The following CCDC175 variants were observed in gnomAD, a reference collection of about 807,000 sequenced individuals.
The protein encoded by CCDC175 is coiled-coil domain-containing protein 175.
Under a neutral mutation model 114.6 loss-of-function variants are expected in CCDC175, and 100 were observed. The ratio of observed to expected loss-of-function variants is 0.87; its 90% confidence interval spans 0.74 to 1.03. CCDC175 has a LOEUF of 1.03. Ranked by LOEUF, CCDC175 falls within the 50% of genes least tolerant of loss-of-function variation. CCDC175 has a pLI of 0.00. For missense variants in CCDC175, 880 were observed against 917.8 expected (o/e 0.96, Z 0.53); for synonymous variants, 306 against 308.7 (o/e 0.99, Z 0.09).
chr14:59,571,496 T>A (rs547433299), intron 3 of CCDC175, among the ~76,000 whole-genome samples: 18 of 152,164 alleles, frequency 1.2e-4, no homozygotes, highest in Non-Finnish European at 2.4e-4. Flanking sequence ...AAATGGCCAA[T>A]GAGCAGACAA....
intron 17 of CCDC175, among the ~76,000 whole-genome samples, chr14:59,512,151 CAA>C (rs1594974841): frequency 6.6e-6 from 1 of 152,160 alleles, no homozygotes; most frequent in Non-Finnish European, 1.5e-5. Flanking sequence ...AACACAGACA[CAA>C]AAAGATTAGC....
intron 14 of CCDC175, 147 bp from the exon 15 acceptor site, chr14:59,527,321 C>T (rs59995603): frequency 0.048 from 22,393 of 470,996 alleles, 799 homozygotes; most frequent in African/African-American, 0.1. Context: ...TATGTTTACT[C>T]CTGTCTGACT....
At chr14:59,515,820 A>G (rs1045461445) in intron 17 of CCDC175, among the ~76,000 whole-genome samples, 3 of 152,234 alleles carry the variant, frequency 2.0e-5, no homozygotes, top group Non-Finnish European at 4.4e-5. Flanking sequence ...AGCAGACCTA[A>G]CAGACATCTA....
intron 13 of CCDC175, among the ~76,000 whole-genome samples, chr14:59,532,927 C>G (rs923597951): frequency 5.3e-5 from 8 of 152,214 alleles, no homozygotes; most frequent in African/African-American, 1.9e-4. Flanking sequence ...TCCCAGTTTA[C>G]TCTTAAAAAC....
chr14:59,534,674 T>G (rs1379897615), intron 13 of CCDC175, among the ~76,000 whole-genome samples: 1 of 152,216 alleles, frequency 6.6e-6, no homozygotes, highest in African/African-American at 2.4e-5. Context: ...GAATGGTCCT[T>G]GGCCTGGGCT....
chr14:59,552,895 C>T lies in CCDC175; in HGVS notation c.954-1459G>A, dbSNP rs371614969. Among the ~76,000 whole-genome samples, 100 of 152,032 alleles carry T rather than the reference C, an allele frequency of 6.6e-4. 2 individuals carry two copies. In the East Asian group the frequency reaches 9.3e-3, roughly 14 times the overall value. On this transcript the variant is annotated intron_variant, in intron 7 of 19. Coordinates refer to ENST00000537690, the MANE Select transcript of CCDC175 (RefSeq NM_001164399.2). ...TTGAAATCAAATGAATGAAATGAAG[C>T]GAGAAGAGAAGTTTAGAGAAAAAAC...
intron 9 of CCDC175, among the ~76,000 whole-genome samples, chr14:59,544,679 T>C (rs1004008673): frequency 6.6e-6 from 1 of 152,126 alleles, no homozygotes; most frequent in Non-Finnish European, 1.5e-5. Flanking sequence ...TGAGAAAAAA[T>C]TAAAATTTAA....
At chr14:59,530,294 G>A (rs897759794) in intron 14 of CCDC175, among the ~76,000 whole-genome samples, 1 of 152,014 alleles carries the variant, frequency 6.6e-6, no homozygotes, top group African/African-American at 2.4e-5. Context: ...TTGAACCCAG[G>A]AGGTGGAGGT....
intron 7 of CCDC175, among the ~76,000 whole-genome samples, chr14:59,557,966 A>G (rs1196085122): frequency 6.6e-6 from 1 of 152,198 alleles, no homozygotes; most frequent in Non-Finnish European, 1.5e-5. Flanking sequence ...TAAGTGCTCC[A>G]AAGAACGCAA....
intron 13 of CCDC175, among the ~76,000 whole-genome samples, chr14:59,536,154 C>T (rs1894383586): frequency 6.6e-6 from 1 of 152,134 alleles, no homozygotes; most frequent in Non-Finnish European, 1.5e-5. Flanking sequence ...ACTCCCACCA[C>T]CCCTGGCACT....
intron 16 of CCDC175, 89 bp from the exon 17 acceptor site, chr14:59,521,765 C>A: frequency 9.4e-6 from 7 of 743,002 alleles, no homozygotes; most frequent in Non-Finnish European, 1.6e-5. Context: ...TGTATAAATT[C>A]CTCCTCTGCG....
chr14:59,547,621 G>A (rs1895193340), intron 8 of CCDC175, among the ~76,000 whole-genome samples: 2 of 152,160 alleles, frequency 1.3e-5, no homozygotes, highest in African/African-American at 4.8e-5. Context: ...TTCAGTAAAT[G>A]GTGCTGGTTA....
In CCDC175 at chr14:59,551,424, T is replaced by A. The variant is rs1895472885; in HGVS notation, c.966A>T (p.Thr322=). 6.9e-7 allele frequency: 1 copy of A among 1,439,802 alleles called. No individual in the cohort carries two copies. Among genetic ancestry groups the A allele is most frequent in the African/African-American group, 1.4e-5 (1 of 69,474 alleles). The allele number at this position is 1,439,802 out of a possible 1,614,324, so 89.2% of individuals were successfully genotyped here. ...TATCATCTAGTTTTTCTTTGTTATCTGTGAAAAAACACCTATGAACAAAGG... is the reference window on the plus strand; with the variant it reads ...TATCATCTAGTTTTTCTTTGTTATCAGTGAAAAAACACCTATGAACAAAGG... The part of the protein sequence containing the change: ...AILEAKLCFF[T]DNKEKLDDIS... The change falls in exon 8 of 20, where the codon ACA becomes ACT. Residue 322 remains threonine (T), a synonymous_variant. Transcript: ENST00000537690.
intron 15 of CCDC175, among the ~76,000 whole-genome samples, chr14:59,526,366 G>A (rs1893733948): frequency 6.6e-6 from 1 of 151,962 alleles, no homozygotes; most frequent in South Asian, 2.1e-4. Context: ...GGCACTTTGG[G>A]AGGCCGAGGC....
intron 7 of CCDC175, among the ~76,000 whole-genome samples, chr14:59,556,947 A>G (rs969554223): frequency 3.9e-5 from 6 of 152,206 alleles, no homozygotes; most frequent in African/African-American, 1.4e-4. Flanking sequence ...AATGGTGATC[A>G]TTAAAAAGTC....
chr14:59,533,536 T>G (rs139146171), intron 13 of CCDC175, among the ~76,000 whole-genome samples: 1 of 152,368 alleles, frequency 6.6e-6, no homozygotes, highest in African/African-American at 2.4e-5. Context: ...TACACCGATA[T>G]GCTGGCTGAT....
intron 14 of CCDC175, among the ~76,000 whole-genome samples, chr14:59,530,311 G>C (rs1333575789): frequency 2.0e-5 from 3 of 151,884 alleles, no homozygotes; most frequent in African/African-American, 7.3e-5. Flanking sequence ...AGGTTGCAGT[G>C]AGCAGAGATT....
chr14:59,544,062 T>C (rs1436054085), intron 9 of CCDC175, among the ~76,000 whole-genome samples: 2 of 152,204 alleles, frequency 1.3e-5, no homozygotes, highest in Admixed American at 6.5e-5. Context: ...TAAGCTTCAG[T>C]TTCACCAGCT....
chr14:59,567,279 A>C (rs77559832), intron 4 of CCDC175, among the ~76,000 whole-genome samples: 2 of 152,182 alleles, frequency 1.3e-5, no homozygotes, highest in Admixed American at 1.3e-4. Context: ...GTATTTCTCA[A>C]ACTTATGTAA....
Sources: allele counts gnomAD v4.1 joint callset (sites outside exome capture counted in the v4.1 genomes callset), GRCh38; gene constraint gnomAD v4.1.1; transcripts MANE v1.5; gene names NCBI Gene and HGNC (gene_info 2026-07-23, HGNC 2026-07-21).